Variants in GABRB2 observed in about 807,000 individuals in gnomAD.
The protein encoded by GABRB2 is gamma-aminobutyric acid receptor subunit beta-2.
In GABRB2, 16 loss-of-function variants were observed where a neutral mutation model predicts 54.7. The ratio of observed to expected loss-of-function variants is 0.29; its 90% CI spans 0.20 to 0.44. GABRB2 has a LOEUF of 0.44. Ranked by LOEUF, GABRB2 falls within the 20% of genes least tolerant of loss-of-function variation. The pLI, the probability that GABRB2 is intolerant of heterozygous loss-of-function variation, is 1.00. For missense variants in GABRB2, 355 were observed against 644.0 expected (o/e 0.55, Z 4.86); for synonymous variants, 244 against 233.8 (o/e 1.04, Z -0.40).
At chr5:161,511,717 A>C (rs2113405766) in intron 3 of GABRB2, among the ~76,000 whole-genome samples, 1 of 152,110 alleles carries the variant, frequency 6.6e-6, no homozygotes, top group Non-Finnish European at 1.5e-5. Flanking sequence ...CTGTGAGGGA[A>C]GAATCTGTTC....
intron 4 of GABRB2, among the ~76,000 whole-genome samples, chr5:161,424,154 A>G (rs958608474): frequency 6.6e-6 from 1 of 152,178 alleles, no homozygotes; most frequent in African/African-American, 2.4e-5. Context: ...TGCAAGGTGA[A>G]GTTCAAATGC....
chr5:161,371,403 G>C (rs1036535563), intron 5 of GABRB2, among the ~76,000 whole-genome samples: 11 of 152,090 alleles, frequency 7.2e-5, no homozygotes, highest in Admixed American at 6.5e-4. Context: ...CTAAGGAGAA[G>C]ATACAATTCA....
chr5:161,295,932 G>T (rs1300414450), intron 9 of GABRB2, among the ~76,000 whole-genome samples: 2 of 152,194 alleles, frequency 1.3e-5, no homozygotes, highest in Non-Finnish European at 2.9e-5. Flanking sequence ...ATCTGCCAAG[G>T]AAGGGCCAGG....
intron 3 of GABRB2, among the ~76,000 whole-genome samples, chr5:161,480,030 C>G (rs954000282): frequency 6.6e-6 from 1 of 152,042 alleles, no homozygotes; most frequent in Non-Finnish European, 1.5e-5. Flanking sequence ...TCTGTGAGGC[C>G]ACTACACTTT....
At chr5:161,505,413 G>C (rs1421640595) in intron 3 of GABRB2, among the ~76,000 whole-genome samples, 1 of 152,072 alleles carries the variant, frequency 6.6e-6, no homozygotes, top group Non-Finnish European at 1.5e-5. Context: ...TTACAGGCGT[G>C]AGCCACCGCA....
At chr5:161,390,534 T>G (rs973970128) in intron 5 of GABRB2, among the ~76,000 whole-genome samples, 1 of 152,064 alleles carries the variant, frequency 6.6e-6, no homozygotes, top group Non-Finnish European at 1.5e-5. Flanking sequence ...TAAAGACTAG[T>G]CTAGTTAATA....
rs541330908 is a variant in GABRB2, at chr5:161,288,920, T to C, written c.*5161A>G. On this transcript the variant is annotated 3_prime_UTR_variant, in exon 10 of 10. Coordinates refer to ENST00000393959, the MANE Select transcript of GABRB2 (RefSeq NM_001371727.1). ...TTGTTGGGATTAATTATGTTTAAAA[T>C]GACGATGGTTGAACTCAAATTATTG... 4.6e-5 allele frequency: 7 copies of C among 152,278 alleles called. No individual in the cohort carries two copies. In the East Asian group the frequency reaches 1.3e-3, roughly 29 times the overall value. 9.4% of individuals were successfully genotyped at this position (152,278 alleles called of 1,614,324 possible). A position where few individuals can be genotyped will look rare whatever the true frequency, so the allele number is the denominator to read the frequency against.
At chr5:161,531,697 C>T (rs577113987) in intron 3 of GABRB2, among the ~76,000 whole-genome samples, 415 of 151,818 alleles carry the variant, frequency 2.7e-3, no homozygotes, top group Non-Finnish European at 4.9e-3. Flanking sequence ...CTGTAATCTT[C>T]CATTATTAAT....
At chr5:161,352,764 A>G (rs1754512928) in intron 5 of GABRB2, among the ~76,000 whole-genome samples, 1 of 152,070 alleles carries the variant, frequency 6.6e-6, no homozygotes, top group South Asian at 2.1e-4. Flanking sequence ...GAGCTTGTCT[A>G]TTCTACTATG....
chr5:161,390,389 T>C (rs1755782812), intron 5 of GABRB2, among the ~76,000 whole-genome samples: 1 of 151,984 alleles, frequency 6.6e-6, no homozygotes, highest in Non-Finnish European at 1.5e-5. Flanking sequence ...AGAGCAAAAA[T>C]TTCTCAGAAA....
chr5:161,502,389 A>C lies in GABRB2; in HGVS notation c.238-42545T>G, dbSNP rs187126209. ...ATACAAAACACATACATTTGTCTGC[A>C]AGAATTGGGCTAATCTACAAATCTA... is the stretch of plus-strand genomic sequence containing the variant. On this transcript the variant is annotated intron_variant, in intron 3 of 9. Transcript: ENST00000393959. 7.9e-4 allele frequency among the ~76,000 whole-genome samples: 121 copies of C among 152,286 alleles called. 1 individual carries two copies. Among genetic ancestry groups the C allele is most frequent in the Admixed American group, 7.2e-3 (110 of 15,276 alleles).
chr5:161,447,454 T>C (rs1757668068), intron 4 of GABRB2, among the ~76,000 whole-genome samples: 1 of 152,210 alleles, frequency 6.6e-6, no homozygotes, highest in Non-Finnish European at 1.5e-5. Flanking sequence ...TTCTCCATTA[T>C]GGCTAGTGGG....
intron 9 of GABRB2, among the ~76,000 whole-genome samples, chr5:161,322,084 T>C (rs1758227228): frequency 6.6e-6 from 1 of 152,128 alleles, no homozygotes; most frequent in South Asian, 2.1e-4. Context: ...TGCTTAGCTA[T>C]CTAACATTAA....
At position 161,292,295 on chromosome 5, in the gene GABRB2, A is replaced by G. The variant is rs1757260589; in HGVS notation, c.*1786T>C. 1.3e-5 allele frequency: 2 copies of G among 152,316 alleles called. No individual in the cohort carries two copies. Among genetic ancestry groups the G allele is most frequent in the East Asian group, 3.9e-4 (2 of 5,186 alleles). 9.4% of individuals were successfully genotyped at this position (152,316 alleles called of 1,614,324 possible). On this transcript the variant is annotated 3_prime_UTR_variant, in exon 10 of 10. Coordinates refer to ENST00000393959, the MANE Select transcript of GABRB2 (RefSeq NM_001371727.1). Reference sequence around the variant, plus strand: ...TACTGGCTGCTATGCACAATTAGGGATATTACTCTAAAAAGAAGAGCTTTC... The same window carrying G: ...TACTGGCTGCTATGCACAATTAGGGGTATTACTCTAAAAAGAAGAGCTTTC...
intron 3 of GABRB2, among the ~76,000 whole-genome samples, chr5:161,501,741 G>C (rs1359213428): frequency 1.3e-5 from 2 of 151,324 alleles, no homozygotes; most frequent in Non-Finnish European, 1.5e-5. Flanking sequence ...ACAAGCAAAA[G>C]AAAACCAGAT....
intron 5 of GABRB2, among the ~76,000 whole-genome samples, chr5:161,370,734 G>T (rs1478674643): frequency 6.6e-6 from 1 of 152,144 alleles, no homozygotes; most frequent in Non-Finnish European, 1.5e-5. Context: ...TGCCATGTAG[G>T]TGGCAATAAA....
At chr5:161,427,527 T>C (rs184727159) in intron 4 of GABRB2, among the ~76,000 whole-genome samples, 1 of 152,274 alleles carries the variant, frequency 6.6e-6, no homozygotes, top group East Asian at 1.9e-4. Flanking sequence ...TACGTTCAAG[T>C]TCACCAAAGC....
At chr5:161,529,021 T>C (rs908244490) in intron 3 of GABRB2, among the ~76,000 whole-genome samples, 2 of 152,010 alleles carry the variant, frequency 1.3e-5, no homozygotes, top group African/African-American at 4.8e-5. Flanking sequence ...TTATAAAATT[T>C]AATCAAAACA....
intron 3 of GABRB2, among the ~76,000 whole-genome samples, chr5:161,493,523 A>G (rs2113358482): frequency 6.6e-6 from 1 of 151,682 alleles, no homozygotes; most frequent in Non-Finnish European, 1.5e-5. Context: ...TTACAAATTT[A>G]CTCTTCGAGA....
Sources: allele counts gnomAD v4.1 joint callset (sites outside exome capture counted in the v4.1 genomes callset), GRCh38; gene constraint gnomAD v4.1.1; transcripts MANE v1.5; gene names NCBI Gene and HGNC (gene_info 2026-07-23, HGNC 2026-07-21).